The following SRXN1 variants were observed in gnomAD, a reference collection of about 807,000 sequenced individuals.
SRXN1 encodes sulfiredoxin 1, also known as sulfiredoxin-1.
SRXN1 carries 11 observed loss-of-function variants against 11.0 expected under a neutral mutation model. That is an observed-to-expected ratio of 1.00 (90% CI 0.63 to 1.65). The LOEUF is 1.65. Among genes scored for constraint, SRXN1 ranks in the 40% most tolerant of loss-of-function variants. SRXN1 has a pLI of 0.00. For missense variants in SRXN1, 211 were observed against 194.5 expected, an observed-to-expected ratio of 1.08 and a Z score of -0.50; for synonymous variants, 106 against 92.8, an observed-to-expected ratio of 1.14 and a Z score of -0.82.
intron 1 of SRXN1, among the ~76,000 whole-genome samples, chr20:651,994 A>C (rs1263432333): frequency 6.6e-6 from 1 of 152,238 alleles, no homozygotes; most frequent in Non-Finnish European, 1.5e-5. Flanking sequence ...ACGTGAGGTC[A>C]GGAAGACAGA....
chr20:650,191 T>C (rs565207795), intron 1 of SRXN1, among the ~76,000 whole-genome samples: 1 of 152,290 alleles, frequency 6.6e-6, no homozygotes, highest in Admixed American at 6.5e-5. Flanking sequence ...ATCTGATGCA[T>C]GTTCTAGAAA....
intron 1 of SRXN1, among the ~76,000 whole-genome samples, chr20:651,420 T>C (rs1342172012): frequency 6.6e-6 from 1 of 152,114 alleles, no homozygotes; most frequent in Non-Finnish European, 1.5e-5. Context: ...TAAAAGCCAG[T>C]GGGCTGTAAT....
chr20:652,988 C>A lies in SRXN1; in HGVS notation c.198G>T (p.Val66=). 6.5e-7 allele frequency: 1 copy of A among 1,549,914 alleles called. No individual in the cohort carries two copies. The change falls in exon 1 of 2, where the codon GTG becomes GTT. Residue 66 remains valine (V), a synonymous_variant. Transcript: ENST00000381962. ...VLDPAKVQSL[V]DTIREDPDSV... is the part of the protein sequence containing the mutation. ...CCCGAGGCCTCACCCGGATCGTGTC[C>A]ACGAGGCTCTGCACCTTGGCGGGGT... is the stretch of plus-strand genomic sequence containing the variant.
At chr20:652,947 C>G in intron 1 of SRXN1, 29 bp downstream of exon 1, 2 of 1,406,928 alleles carry the variant, frequency 1.4e-6, no homozygotes, top group African/African-American at 1.5e-5. Flanking sequence ...AGCCCTCCCT[C>G]CGGTTGGCTG....
rs1314625434 is a variant in SRXN1, at chr20:653,000, C to T, written c.186G>A (p.Val62=). The change falls in exon 1 of 2, where the codon GTG becomes GTA. Residue 62 remains valine, a synonymous_variant. Transcript: ENST00000381962. ...PLPSVLDPAK[V]QSLVDTIRED... ...CCCGGATCGTGTCCACGAGGCTCTG[C>T]ACCTTGGCGGGGTCCAACACGGACG... 1 of 1,566,866 alleles carries T rather than the reference C, an allele frequency of 6.4e-7. No homozygotes were observed. Among genetic ancestry groups the T allele is most frequent in the South Asian group, 1.2e-5 (1 of 84,382 alleles).
At position 648,245 on chromosome 20, in the gene SRXN1, T is replaced by C. The variant is rs1258090406; in HGVS notation, c.*469A>G. On this transcript the variant is annotated 3_prime_UTR_variant, in exon 2 of 2. Transcript: ENST00000381962. ...AAGGATCCAAGACGTGACCCCTACC[T>C]TCGTGGAGTTGTTGAACCAATACCA... 4.4e-6 allele frequency: 2 copies of C among 456,578 alleles called. No individual in the cohort carries two copies. Among genetic ancestry groups the C allele is most frequent in the South Asian group, 3.1e-5 (2 of 64,566 alleles). The allele number at this position is 456,578 out of a possible 1,614,324, so 28.3% of individuals were successfully genotyped here.
rs564316547 is a variant in SRXN1 at position 647,935 on chromosome 20, C to T, written c.*779G>A. 5.3e-6 allele frequency: 2 copies of T among 379,544 alleles called. No homozygotes were observed. The highest frequency in any genetic ancestry group is 1.5e-4 in the East Asian group (2 of 13,786). The allele number at this position is 379,544 out of a possible 1,614,324, so 23.5% of individuals were successfully genotyped here. ...TCTCAGTAGATGGAACACGATTGGT[C>T]TATTCAGCCATGACAATTCTGTTCC... On this transcript the variant is annotated 3_prime_UTR_variant, in exon 2 of 2. Coordinates refer to ENST00000381962, the MANE Select transcript of SRXN1 (RefSeq NM_080725.3).
rs1983558819 is a variant in SRXN1, at chr20:647,372, G to A, written c.*1342C>T. On this transcript the variant is annotated 3_prime_UTR_variant, in exon 2 of 2. Transcript: ENST00000381962. ...GAAAAATGGCCACAAGCTCTTTGTGGTTCCCCTCATCAAGACATGTAGTCT... is the reference window on the plus strand; with the variant it reads ...GAAAAATGGCCACAAGCTCTTTGTGATTCCCCTCATCAAGACATGTAGTCT... 6.6e-6 allele frequency: 1 copy of A among 152,240 alleles called. No homozygotes were observed. Among genetic ancestry groups the A allele is most frequent in the African/African-American group, 2.4e-5 (1 of 41,458 alleles). 9.4% of individuals were successfully genotyped at this position (152,240 alleles called of 1,614,324 possible). A position where few individuals can be genotyped will look rare whatever the true frequency, so the allele number is the denominator to read the frequency against.
chr20:647,903 G>A lies in SRXN1; in HGVS notation c.*811C>T, dbSNP rs547918994. ...TCCCAGTTTTATTGCAGGAGGCAGT[G>A]TGCCAGTCTCAGTAGATGGAACACG... On this transcript the variant is annotated 3_prime_UTR_variant, in exon 2 of 2. Transcript: ENST00000381962. 5 of 357,948 alleles carry A rather than the reference G, an allele frequency of 1.4e-5. No individual in the cohort carries two copies. In the East Asian group the frequency reaches 3.7e-4, roughly 27 times the overall value. 22.2% of individuals were successfully genotyped at this position (357,948 alleles called of 1,614,324 possible).
intron 1 of SRXN1, 35 bp from the exon 2 acceptor site, chr20:648,952 T>C (rs1302177882): frequency 8.1e-6 from 13 of 1,609,736 alleles, no homozygotes; most frequent in Non-Finnish European, 9.3e-6. Context: ...ATGGACATGG[T>C]ACAAGGCTTG....
chr20:652,702 G>A (rs1359513470), intron 1 of SRXN1, among the ~76,000 whole-genome samples: 1 of 152,196 alleles, frequency 6.6e-6, no homozygotes, highest in African/African-American at 2.4e-5. Flanking sequence ...GGAAACTGAG[G>A]GACTTCCTGC....
Position 647,991 on chromosome 20 carries a change from G to A in SRXN1, c.*723C>T, listed in dbSNP as rs1453405433. 2.3e-6 allele frequency: 1 copy of A among 438,032 alleles called. No individual in the cohort carries two copies. Among genetic ancestry groups the A allele is most frequent in the Admixed American group, 2.4e-5 (1 of 41,352 alleles). 27.1% of individuals were successfully genotyped at this position (438,032 alleles called of 1,614,324 possible). A position where few individuals can be genotyped will look rare whatever the true frequency, so the allele number is the denominator to read the frequency against. ...GTCTTAGCTTTGTTTGCAGCTAGAG[G>A]TGCAATGGTAGCTGGCTCGGGCCAA... is the stretch of plus-strand genomic sequence containing the variant. On this transcript the variant is annotated 3_prime_UTR_variant, in exon 2 of 2. Transcript: ENST00000381962.
At position 646,833 on chromosome 20, in the gene SRXN1, T is replaced by C. The variant is rs1485002340; in HGVS notation, c.*1881A>G. On this transcript the variant is annotated 3_prime_UTR_variant, in exon 2 of 2. Coordinates refer to ENST00000381962, the MANE Select transcript of SRXN1 (RefSeq NM_080725.3). ...TTCAGATTTCCAATTTTCCCACTAA[T>C]GTCCTGTTTTTGTTCCAAGACCCAA... The C allele has an allele frequency of 1.3e-5, 2 of 152,190 alleles. No individual in the cohort carries two copies. The highest frequency in any genetic ancestry group is 4.8e-5 in the African/African-American group (2 of 41,444). The allele number at this position is 152,190 out of a possible 1,614,324, so 9.4% of individuals were successfully genotyped here. A position where few individuals can be genotyped will look rare whatever the true frequency, so the allele number is the denominator to read the frequency against.
chr20:652,802 G>A (rs1456672745), intron 1 of SRXN1, among the ~76,000 whole-genome samples, 174 bp downstream of exon 1: 3 of 152,188 alleles, frequency 2.0e-5, no homozygotes, highest in Non-Finnish European at 4.4e-5. Context: ...CTCAAGTGAG[G>A]AAACAGAGGC....
Position 647,143 on chromosome 20 carries a change from G to C in SRXN1, c.*1571C>G, listed in dbSNP as rs1014030069. 1 of 152,254 alleles carries C rather than the reference G, an allele frequency of 6.6e-6. No individual in the cohort carries two copies. The highest frequency in any genetic ancestry group is 1.5e-5 in the Non-Finnish European group (1 of 68,114). The allele number at this position is 152,254 out of a possible 1,614,324, so 9.4% of individuals were successfully genotyped here. On this transcript the variant is annotated 3_prime_UTR_variant, in exon 2 of 2. Transcript: ENST00000381962. Reference sequence around the variant, plus strand: ...ACCCCATACCAGCAGTGCAGACAAGGAGGCACTCCTACTACAGTGGGTCCA... The same window carrying C: ...ACCCCATACCAGCAGTGCAGACAAGCAGGCACTCCTACTACAGTGGGTCCA...
chr20:650,586 A>T (rs1403111604), intron 1 of SRXN1, among the ~76,000 whole-genome samples: 9 of 152,108 alleles, frequency 5.9e-5, no homozygotes, highest in Admixed American at 5.9e-4. Flanking sequence ...CTCTCTCATG[A>T]TTCCACAAAT....
rs1169204396 is a variant in SRXN1, at chr20:653,186, C to T, written c.-1G>A. ...GCGTTCCTCCTGCACGCAGCCCCAT[C>T]GTCGCCGCCGCCGCGGGACTCGCCG... is the stretch of plus-strand genomic sequence containing the variant. On this transcript the variant is annotated 5_prime_UTR_variant, in exon 1 of 2. Transcript: ENST00000381962. 2.4e-6 allele frequency: 3 copies of T among 1,236,248 alleles called. No individual in the cohort carries two copies. The highest frequency in any genetic ancestry group is 3.0e-6 in the Non-Finnish European group (3 of 990,966). 76.6% of individuals were successfully genotyped at this position (1,236,248 alleles called of 1,614,324 possible).
intron 1 of SRXN1, among the ~76,000 whole-genome samples, chr20:650,438 C>T (rs941582526): frequency 6.6e-6 from 1 of 152,154 alleles, no homozygotes; most frequent in East Asian, 1.9e-4. Flanking sequence ...TGTTAGGGGC[C>T]CACACAGCCA....
chr20:648,200 G>A lies in SRXN1; in HGVS notation c.*514C>T, dbSNP rs772589651. 6 of 456,160 alleles carry A rather than the reference G, an allele frequency of 1.3e-5. No homozygotes were observed. The highest frequency in any genetic ancestry group is 6.9e-5 in the East Asian group (1 of 14,402). The allele number at this position is 456,160 out of a possible 1,614,324, so 28.3% of individuals were successfully genotyped here. A position where few individuals can be genotyped will look rare whatever the true frequency, so the allele number is the denominator to read the frequency against. Reference sequence around the variant, plus strand: ...AGCCATCTTGGGACCATGAAGTAACGAGCACTGAGATTAAGGCAAAAGGAT... The same window carrying A: ...AGCCATCTTGGGACCATGAAGTAACAAGCACTGAGATTAAGGCAAAAGGAT... On this transcript the variant is annotated 3_prime_UTR_variant, in exon 2 of 2. Transcript: ENST00000381962.
Sources: gnomAD v4.1 joint callset for allele counts (sites outside exome capture counted in the v4.1 genomes callset) on GRCh38, gnomAD v4.1.1 for gene constraint, MANE v1.5 for transcripts, NCBI Gene and HGNC (gene_info 2026-07-23, HGNC 2026-07-21) for gene names.